ISM1: variants seen among roughly 807,000 people sequenced by gnomAD.
ISM1 encodes isthmin-1.
A neutral mutation model predicts 46.3 loss-of-function variants in ISM1; 25 were observed. The ratio of observed to expected loss-of-function variants is 0.54; its 90% CI spans 0.39 to 0.75. ISM1 has a LOEUF of 0.75. ISM1 is among the 30% of genes least tolerant of loss of function. The pLI is 0.00. For missense variants in ISM1, 536 were observed against 625.4 expected (o/e 0.86, Z 1.52); for synonymous variants, 255 against 256.7 (o/e 0.99, Z 0.06).
chr20:13,324,613 A>G, the ISM1 span, among the ~76,000 whole-genome samples: 1 of 152,214 alleles, frequency 6.6e-6, no homozygotes, highest in Admixed American at 6.5e-5. Flanking sequence ...ATATTAAGGA[A>G]GCTTGCACTG....
intron 3 of ISM1, among the ~76,000 whole-genome samples, chr20:13,288,189 A>G (rs1308565937): frequency 1.3e-5 from 2 of 152,212 alleles, no homozygotes; most frequent in South Asian, 4.1e-4. Flanking sequence ...CTGTATGTCA[A>G]TGAGAGGCTA....
chr20:13,269,087 G>A (rs1274796091), intron 1 of ISM1, among the ~76,000 whole-genome samples: 1 of 152,204 alleles, frequency 6.6e-6, no homozygotes, highest in Non-Finnish European at 1.5e-5. Flanking sequence ...CAGAGGCACT[G>A]TGGTGGGGGG....
chr20:13,236,007 C>T lies in ISM1; in HGVS notation c.138+14093C>T, dbSNP rs185012921. ...TGATGCAATCTTGGCTCACTGCAAC[C>T]TCCACCTCCTGGGTTCAAGCAAGTC... On this transcript the variant is annotated intron_variant, in intron 1 of 5. Coordinates refer to ENST00000262487, the MANE Select transcript of ISM1 (RefSeq NM_080826.2). Among the ~76,000 whole-genome samples, 13 of 151,760 alleles carry T rather than the reference C, an allele frequency of 8.6e-5. No individual in the cohort carries two copies. In the East Asian group the frequency reaches 1.9e-3, roughly 23 times the overall value.
intron 3 of ISM1, among the ~76,000 whole-genome samples, chr20:13,280,820 C>A (rs143463335): frequency 6.6e-6 from 1 of 152,254 alleles, no homozygotes; most frequent in Non-Finnish European, 1.5e-5. Flanking sequence ...AAAAGAGGAA[C>A]CCAATTTGGC....
intron 2 of ISM1, among the ~76,000 whole-genome samples, chr20:13,274,858 G>A (rs931686757): frequency 2.0e-5 from 3 of 152,142 alleles, no homozygotes; most frequent in African/African-American, 2.4e-5. Context: ...AAGAAAATGC[G>A]CAAAATAGAA....
intron 1 of ISM1, among the ~76,000 whole-genome samples, chr20:13,243,153 T>C (rs1048629451): frequency 2.6e-5 from 4 of 152,180 alleles, no homozygotes; most frequent in African/African-American, 9.7e-5. Flanking sequence ...AAAAGAACTC[T>C]TGCCTTGGAA....
At chr20:13,252,271 G>A (rs2039876228) in intron 1 of ISM1, among the ~76,000 whole-genome samples, 1 of 152,176 alleles carries the variant, frequency 6.6e-6, no homozygotes, top group Non-Finnish European at 1.5e-5. Context: ...GGACCATTTG[G>A]CTTTGATGAT....
At chr20:13,225,802 T>G (rs1048336650) in intron 1 of ISM1, among the ~76,000 whole-genome samples, 3 of 152,186 alleles carry the variant, frequency 2.0e-5, no homozygotes, top group Non-Finnish European at 4.4e-5. Context: ...AATAAGTTTG[T>G]CTCATATTAA....
chr20:13,312,498 T>C, the ISM1 span, among the ~76,000 whole-genome samples: 8 of 152,284 alleles, frequency 5.3e-5, no homozygotes, highest in East Asian at 5.8e-4. Flanking sequence ...CAGTCTGAGA[T>C]AAACAGAGCA....
At chr20:13,244,170 C>A (rs2039765726) in intron 1 of ISM1, 1 of 152,202 alleles carries the variant, frequency 6.6e-6, no homozygotes, top group African/African-American at 2.4e-5. Context: ...AGAGAGAAAA[C>A]TTGCCTCAAT....
intron 1 of ISM1, among the ~76,000 whole-genome samples, chr20:13,236,218 C>T (rs775908624): frequency 1.1e-4 from 17 of 152,170 alleles, no homozygotes; most frequent in Non-Finnish European, 1.8e-4. Flanking sequence ...CCAATGTGCC[C>T]GTCTCGGCCA....
At chr20:13,316,757 T>G in the ISM1 span, among the ~76,000 whole-genome samples, 1 of 151,686 alleles carries the variant, frequency 6.6e-6, no homozygotes, top group African/African-American at 2.4e-5. Flanking sequence ...AAAAAAAACT[T>G]TCAATGAACT....
chr20:13,251,257 C>T (rs1425834905), intron 1 of ISM1, among the ~76,000 whole-genome samples: 1 of 152,156 alleles, frequency 6.6e-6, no homozygotes, highest in Admixed American at 6.5e-5. Flanking sequence ...TCCATCTCAC[C>T]CCCCTTCCAC....
chr20:13,248,836 C>A (rs1409052451), intron 1 of ISM1, among the ~76,000 whole-genome samples: 1 of 152,192 alleles, frequency 6.6e-6, no homozygotes, highest in Non-Finnish European at 1.5e-5. Flanking sequence ...ATATTTCTAT[C>A]TGCAAAACCG....
intron 1 of ISM1, among the ~76,000 whole-genome samples, chr20:13,222,297 G>A (rs2039459900): frequency 6.6e-6 from 1 of 152,172 alleles, no homozygotes; most frequent in Non-Finnish European, 1.5e-5. Flanking sequence ...CTCGAGGCTG[G>A]AGGGACGCAA....
intron 1 of ISM1, among the ~76,000 whole-genome samples, chr20:13,233,018 C>T (rs1600483353): frequency 7.0e-6 from 1 of 143,020 alleles, no homozygotes; most frequent in African/African-American, 2.6e-5. Context: ...AAATTCGATG[C>T]TGGACCAAAA....
the ISM1 span, among the ~76,000 whole-genome samples, chr20:13,311,243 T>TAGATAGATGATAGATAGATGATA: frequency 7.8e-6 from 1 of 127,924 alleles, no homozygotes; most frequent in Non-Finnish European, 1.7e-5. Flanking sequence ...GATAGATAGA[T>TAGATAGATGATAGATAGATGATA]GATAGATAGA....
the ISM1 span, among the ~76,000 whole-genome samples, chr20:13,310,964 C>T: frequency 2.6e-5 from 4 of 152,112 alleles, no homozygotes; most frequent in South Asian, 2.1e-4. Flanking sequence ...GAGGCTGAGG[C>T]GAGTGGATCA....
chr20:13,308,346 T>C, the ISM1 span, among the ~76,000 whole-genome samples: 6 of 152,176 alleles, frequency 3.9e-5, no homozygotes, highest in African/African-American at 1.2e-4. Context: ...TAATAACTAG[T>C]GAGCCAGAAT....
Sources: allele counts gnomAD v4.1 joint callset (sites outside exome capture counted in the v4.1 genomes callset), GRCh38; gene constraint gnomAD v4.1.1; transcripts MANE v1.5; gene names NCBI Gene and HGNC (gene_info 2026-07-23, HGNC 2026-07-21).